The following DLC1 variants were observed in gnomAD, a reference collection of about 807,000 sequenced individuals.
The protein encoded by DLC1 is rho GTPase-activating protein 7.
DLC1 carries 54 observed loss-of-function variants against 140.3 expected under a neutral mutation model. That is an observed-to-expected ratio of 0.38 (90% CI 0.31 to 0.48). DLC1 has a LOEUF of 0.48. DLC1 is among the 20% of genes least tolerant of loss of function. The pLI is 0.96. For synonymous variants in DLC1, 986 were observed against 728.1 expected (o/e 1.35, Z -5.70); for missense variants, 2,536 against 1,907.0 (o/e 1.33, Z -6.14).
chr8:13,243,345 T>A (rs978340112), intron 5 of DLC1, among the ~76,000 whole-genome samples: 4 of 146,564 alleles, frequency 2.7e-5, no homozygotes, highest in African/African-American at 1.0e-4. Context: ...TTTGTCTCTC[T>A]CCTGCCACCA....
At position 13,221,726 on chromosome 8, in the gene DLC1, G is replaced by GTATA. The variant is rs377039517; in HGVS notation, c.1348+83539_1348+83542dup. On this transcript the variant is annotated intron_variant, in intron 5 of 17. Transcript: ENST00000276297. ...TGTGTGTGTATATGTGTGTGTGTGTGTATATATATATATATATATGATAAA... is the reference window on the plus strand; with the variant it reads ...TGTGTGTGTATATGTGTGTGTGTGTGTATATATATATATATATATATATGATAAA... Among the ~76,000 whole-genome samples the GTATA allele has an allele frequency of 1.5e-3, 201 of 132,426 alleles. 1 individual carries two copies. The highest frequency in any genetic ancestry group is 4.7e-3 in the African/African-American group (161 of 34,492). 86.9% of individuals were successfully genotyped at this position (132,426 alleles called of 152,430 possible). A position where few individuals can be genotyped will look rare whatever the true frequency, so the allele number is the denominator to read the frequency against.
intron 5 of DLC1, among the ~76,000 whole-genome samples, chr8:13,159,172 G>C (rs957793068): frequency 3.3e-5 from 5 of 152,106 alleles, no homozygotes; most frequent in African/African-American, 1.2e-4. Context: ...ATACCAGTAC[G>C]GTGGCAGGAG....
Position 13,405,450 on chromosome 8 carries a change from A to T in DLC1, c.1024-3831T>A, listed in dbSNP as rs141883539. Among the ~76,000 whole-genome samples the T allele has an allele frequency of 6.8e-3, 1,030 of 152,320 alleles. 11 individuals are homozygous for T. The highest frequency in any genetic ancestry group is 0.011 in the South Asian group (53 of 4,822). On this transcript the variant is annotated intron_variant, in intron 2 of 17. Coordinates refer to ENST00000276297, the MANE Select transcript of DLC1 (RefSeq NM_182643.3). ...ATGTCATTTGGACACTTCACTCAAC[A>T]CCAAATAATTCGGAAATATAAAAGT... is the stretch of plus-strand genomic sequence containing the variant.
intron 1 of DLC1, among the ~76,000 whole-genome samples, chr8:13,578,587 C>A (rs1434333402): frequency 6.6e-6 from 1 of 152,182 alleles, no homozygotes; most frequent in Non-Finnish European, 1.5e-5. Flanking sequence ...TCTGACTGAC[C>A]TGCTATAAAT....
At chr8:13,213,697 C>T (rs1165821744) in intron 5 of DLC1, among the ~76,000 whole-genome samples, 1 of 152,064 alleles carries the variant, frequency 6.6e-6, no homozygotes, top group Non-Finnish European at 1.5e-5. Flanking sequence ...GCTGTATGGA[C>T]CCAACTGTAC....
intron 1 of DLC1, chr8:13,566,837 G>A: frequency 9.8e-7 from 1 of 1,015,434 alleles, no homozygotes; most frequent in Non-Finnish European, 1.4e-6. Context: ...AGCGGCCCGC[G>A]TTGCCAAGAC....
At chr8:13,394,385 A>G (rs1394304601) in intron 3 of DLC1, among the ~76,000 whole-genome samples, 1 of 152,188 alleles carries the variant, frequency 6.6e-6, no homozygotes, top group African/African-American at 2.4e-5. Flanking sequence ...CTACTCCAAT[A>G]AATATTGTTA....
rs569813740 is a variant in DLC1, at chr8:13,090,478, G to C, written c.3856-8C>G. 7 of 1,613,072 alleles carry C rather than the reference G, an allele frequency of 4.3e-6. No individual in the cohort carries two copies. The Middle Eastern group carries it at 5.5e-4, about 126-fold the overall frequency. ...GCTCATTTCCTCGGGAACCTGTGCG[G>C]AACATGACAGACAGAAAGGAGGTGA... On this transcript the variant is annotated splice_region_variant and splice_polypyrimidine_tract_variant and intron_variant, in intron 14 of 17. Coordinates refer to ENST00000276297, the MANE Select transcript of DLC1 (RefSeq NM_182643.3).
chr8:13,203,396 G>A (rs947183931), intron 5 of DLC1, among the ~76,000 whole-genome samples: 4 of 152,304 alleles, frequency 2.6e-5, no homozygotes, highest in South Asian at 2.1e-4. Context: ...GAAATAAGAC[G>A]TAACAGGAAG....
intron 2 of DLC1, among the ~76,000 whole-genome samples, chr8:13,421,002 G>C (rs780364300): frequency 1.3e-5 from 2 of 152,078 alleles, no homozygotes; most frequent in Non-Finnish European, 2.9e-5. Context: ...TGAGAAACTT[G>C]TGTGGGTCTC....
At chr8:13,561,930 G>C (rs970487210) in intron 1 of DLC1, among the ~76,000 whole-genome samples, 1 of 152,060 alleles carries the variant, frequency 6.6e-6, no homozygotes, top group Non-Finnish European at 1.5e-5. Flanking sequence ...AAAGCAAGAG[G>C]CTATCTTAAC....
At chr8:13,315,212 C>T (rs1312391938) in intron 4 of DLC1, among the ~76,000 whole-genome samples, 1 of 152,040 alleles carries the variant, frequency 6.6e-6, no homozygotes, top group Non-Finnish European at 1.5e-5. Flanking sequence ...CCCAGGCGTT[C>T]GAGACCAGCA....
chr8:13,490,518 A>C (rs915767811), intron 2 of DLC1, among the ~76,000 whole-genome samples: 6 of 152,182 alleles, frequency 3.9e-5, no homozygotes, highest in African/African-American at 1.4e-4. Flanking sequence ...TCTGGTACCC[A>C]GATAAGAGGC....
At chr8:13,582,750 G>A (rs1805152831) in intron 1 of DLC1, among the ~76,000 whole-genome samples, 3 of 150,772 alleles carry the variant, frequency 2.0e-5, no homozygotes, top group Middle Eastern at 3.4e-3. Flanking sequence ...TACAGTACAG[G>A]AACTCACAGA....
rs372963170 is a variant in DLC1 at position 13,167,641 on chromosome 8, G to C, written c.1349-51984C>G. Among the ~76,000 whole-genome samples, 10 of 152,242 alleles carry C rather than the reference G, an allele frequency of 6.6e-5. No homozygotes were observed. The South Asian group carries it at 1.9e-3, about 28-fold the overall frequency. On this transcript the variant is annotated intron_variant, in intron 5 of 17. Transcript: ENST00000276297. ...AGGCACCTGCACAGCTACCAAATTT[G>C]TTAATTTGCATATTGGATGGATTCT...
chr8:13,430,585 G>A (rs1838820401), intron 2 of DLC1, among the ~76,000 whole-genome samples: 1 of 152,072 alleles, frequency 6.6e-6, no homozygotes, highest in Non-Finnish European at 1.5e-5. Context: ...CAGTACTTTT[G>A]AAGGTGAAAA....
chr8:13,326,706 A>G (rs753421056), intron 4 of DLC1, among the ~76,000 whole-genome samples: 4 of 152,222 alleles, frequency 2.6e-5, no homozygotes, highest in Non-Finnish European at 5.9e-5. Flanking sequence ...CATTGGAATC[A>G]TCTACCGGGC....
At chr8:13,596,670 G>A (rs1805689913) in intron 1 of DLC1, among the ~76,000 whole-genome samples, 1 of 151,950 alleles carries the variant, frequency 6.6e-6, no homozygotes, top group African/African-American at 2.4e-5. Context: ...TCTTTCAAAT[G>A]AAAGTTCTGT....
chr8:13,339,621 T>G (rs1298836903), intron 4 of DLC1: 1 of 152,212 alleles, frequency 6.6e-6, no homozygotes, highest in Non-Finnish European at 1.5e-5. Context: ...TAGGTGGCTT[T>G]CATCTTCAGA....
Sources: allele counts gnomAD v4.1 joint callset (sites outside exome capture counted in the v4.1 genomes callset), GRCh38; gene constraint gnomAD v4.1.1; transcripts MANE v1.5; gene names NCBI Gene and HGNC (gene_info 2026-07-23, HGNC 2026-07-21).